The following WWC1 variants were observed in gnomAD, a reference collection of about 807,000 sequenced individuals.
WWC1 encodes WW and C2 domain containing 1.
WWC1 carries 55 observed loss-of-function variants against 138.4 expected under a neutral mutation model. The observed-to-expected ratio is 0.40, with a 90% CI of 0.32 to 0.50. The LOEUF is 0.50. Among genes scored for constraint, WWC1 ranks in the 20% least tolerant of loss-of-function variants. WWC1 has a pLI of 0.72. For synonymous variants in WWC1, 524 were observed against 564.9 expected (o/e 0.93, Z 1.03); for missense variants, 1,226 against 1,420.4 (o/e 0.86, Z 2.20).
intron 17 of WWC1, among the ~76,000 whole-genome samples, chr5:168,448,180 C>T (rs1049464319): frequency 6.6e-6 from 1 of 152,100 alleles, no homozygotes; most frequent in Non-Finnish European, 1.5e-5. Context: ...CCATCTGCGG[C>T]CCCCTCCCCC....
chr5:168,304,043 C>T (rs1030823883), intron 1 of WWC1, among the ~76,000 whole-genome samples: 1 of 152,138 alleles, frequency 6.6e-6, no homozygotes, highest in African/African-American at 2.4e-5. Context: ...ATTTCTTCAC[C>T]GGCAAAATGA....
At chr5:168,468,925 C>A (rs372293994) in intron 22 of WWC1, 26 bp from the exon 23 acceptor site, 146 of 1,613,236 alleles carry the variant, frequency 9.1e-5, no homozygotes, top group Non-Finnish European at 1.1e-4. Context: ...AAAACCCCTG[C>A]TCTAAAGGGA....
At chr5:168,314,758 G>T (rs1406366320) in intron 1 of WWC1, among the ~76,000 whole-genome samples, 1 of 152,122 alleles carries the variant, frequency 6.6e-6, no homozygotes, top group Non-Finnish European at 1.5e-5. Context: ...GGTACAGGTG[G>T]GGACAAGGAG....
Position 168,423,953 on chromosome 5 carries a change from G to A in WWC1, c.1695G>A (p.Leu565=). The stretch of plus-strand genomic sequence containing the variant: ...CTGGTGATGCCTTCCTCAACTCCTT[G>A]GAGTTTGAAGACCCGGAGCTGAGTG... ...LLAGDAFLNS[L]EFEDPELSAT... is the part of the protein sequence containing the mutation. Residue 565 remains leucine (L), a synonymous_variant, in exon 11 of 23, where the codon TTG becomes TTA. Transcript: ENST00000265293. 1 of 1,614,036 alleles carries A rather than the reference G, an allele frequency of 6.2e-7. No individual in the cohort carries two copies. Among genetic ancestry groups the A allele is most frequent in the Non-Finnish European group, 8.5e-7 (1 of 1,180,020 alleles).
chr5:168,415,227 G>A (rs943493280), intron 9 of WWC1: 2 of 152,258 alleles, frequency 1.3e-5, no homozygotes, highest in African/African-American at 4.8e-5. Context: ...TCTAAAGCAG[G>A]TGCTGTCTCT....
intron 1 of WWC1, 127 bp from the exon 2 acceptor site, chr5:168,371,297 T>G (rs1415817388): frequency 1.6e-6 from 1 of 639,594 alleles, no homozygotes; most frequent in Non-Finnish European, 2.9e-6. Context: ...GAGCTGGTGC[T>G]GCTGTGGTGT....
intron 19 of WWC1, among the ~76,000 whole-genome samples, chr5:168,459,136 C>T (rs897996429): frequency 6.6e-6 from 1 of 151,842 alleles, no homozygotes; most frequent in Non-Finnish European, 1.5e-5. Flanking sequence ...TGCCTTTAGT[C>T]CCAGCTACTT....
chr5:168,292,363 G>A lies in WWC1; in HGVS notation c.119+92G>A. 1 of 1,440,718 alleles carries A rather than the reference G, an allele frequency of 6.9e-7. No individual in the cohort carries two copies. The highest frequency in any genetic ancestry group is 1.3e-5 in the South Asian group (1 of 78,156). The allele number at this position is 1,440,718 out of a possible 1,614,324, so 89.2% of individuals were successfully genotyped here. A position where few individuals can be genotyped will look rare whatever the true frequency, so the allele number is the denominator to read the frequency against. On this transcript the variant is annotated intron_variant, in intron 1 of 22. Coordinates refer to ENST00000265293, the MANE Select transcript of WWC1 (RefSeq NM_015238.3). The surrounding 1 kb of genome is among the most constrained non-coding windows in gnomAD (Gnocchi z 4.4). ...CGCCGGCCGGGACTGGGAGGGGGCA[G>A]GGGAGCTCTGCGTGCCTCTTGAGCT...
Position 168,464,952 on chromosome 5 carries a change from T to C in WWC1, c.3140T>C (p.Leu1047Pro). 1 of 1,613,870 alleles carries C rather than the reference T, an allele frequency of 6.2e-7. No homozygotes were observed. The highest frequency in any genetic ancestry group is 8.5e-7 in the Non-Finnish European group (1 of 1,179,908). ...CGTTTCCGCCTGCTGCTGAGGATGC[T>C]GGAGAAGCGGGTGAGTTCTGCCTCG... ...DERFRLLLRM[L>P]EKRQMDRAEH... is the part of the protein sequence containing the mutation. The change falls in exon 21 of 23, where the codon CTG becomes CCG. Residue 1047 changes from leucine (L) to proline (P), a missense_variant. Physicochemically the swap from Leu to Pro is moderately conservative, Grantham distance 98. Transcript: ENST00000265293.
intron 1 of WWC1, 72 bp from the exon 2 acceptor site, chr5:168,371,352 C>T (rs1776737155): frequency 3.5e-6 from 4 of 1,139,466 alleles, no homozygotes; most frequent in Middle Eastern, 4.0e-4. Flanking sequence ...GCAGGAGGCA[C>T]AGGGAAGCAG....
intron 13 of WWC1, 73 bp from the exon 14 acceptor site, chr5:168,430,064 T>C: frequency 7.8e-7 from 1 of 1,276,608 alleles, no homozygotes; most frequent in Non-Finnish European, 1.1e-6. Flanking sequence ...TCCTGTGACT[T>C]TTAATGGAGA....
intron 18 of WWC1, 21 bp downstream of exon 18, chr5:168,454,121 A>G (rs1180860794): frequency 6.2e-7 from 1 of 1,607,718 alleles, no homozygotes; most frequent in Admixed American, 1.7e-5. Flanking sequence ...CTGGGGGGAT[A>G]GAAGGGCTGT....
At chr5:168,380,542 G>A (rs541912032) in intron 2 of WWC1, among the ~76,000 whole-genome samples, 1 of 152,308 alleles carries the variant, frequency 6.6e-6, no homozygotes, top group South Asian at 2.1e-4. Flanking sequence ...TAGCAAGGAT[G>A]TGGAAGAACT....
rs1428259078 is a variant in WWC1, at chr5:168,420,605, A to T, written c.1185-1403A>T. On this transcript the variant is annotated intron_variant, in intron 9 of 22. Coordinates refer to ENST00000265293, the MANE Select transcript of WWC1 (RefSeq NM_015238.3). ...GACCTTTAGAGCAGCCCACCTGTTCAGTATTCATACCCACATATCCATAAT... is the reference window on the plus strand; with the variant it reads ...GACCTTTAGAGCAGCCCACCTGTTCTGTATTCATACCCACATATCCATAAT... Among the ~76,000 whole-genome samples the T allele has an allele frequency of 4.0e-5, 6 of 151,688 alleles. 1 individual carries two copies. The East Asian group carries it at 9.7e-4, about 24-fold the overall frequency.
intron 1 of WWC1, among the ~76,000 whole-genome samples, chr5:168,326,936 C>T (rs1772614894): frequency 6.6e-6 from 1 of 152,238 alleles, no homozygotes; most frequent in Non-Finnish European, 1.5e-5. Flanking sequence ...AGGGACAGAG[C>T]TGCTGAGAGC....
At chr5:168,316,583 C>T (rs921956822) in intron 1 of WWC1, 9 of 152,288 alleles carry the variant, frequency 5.9e-5, no homozygotes, top group African/African-American at 1.4e-4. Flanking sequence ...AGCCTGCCCT[C>T]TACGTCTGCA....
intron 1 of WWC1, among the ~76,000 whole-genome samples, chr5:168,360,459 G>A (rs941405262): frequency 3.3e-5 from 5 of 152,316 alleles, no homozygotes; most frequent in South Asian, 2.1e-4. Flanking sequence ...TAAAGGAAGC[G>A]ATCTATTTTA....
At chr5:168,431,522 A>T in intron 15 of WWC1, 78 bp downstream of exon 15, 1 of 1,505,000 alleles carries the variant, frequency 6.6e-7, no homozygotes, top group Non-Finnish European at 8.9e-7. Flanking sequence ...TTCTGTGTTT[A>T]TGGGGATTGG....
rs1224060817 is a variant in WWC1 at position 168,414,518 on chromosome 5, A to G, written c.1112A>G (p.Glu371Gly). The G allele has an allele frequency of 1.7e-5, 27 of 1,557,222 alleles. No individual in the cohort carries two copies. The highest frequency in any genetic ancestry group is 2.3e-5 in the Non-Finnish European group (26 of 1,149,908). Residue 371 changes from glutamate to glycine, a missense_variant, in exon 9 of 23, where the codon GAG (glutamate) becomes GGG (glycine). Glu to Gly is a moderately conservative substitution (Grantham distance 98). Around this residue, in one of 3 missense-constraint regions of WWC1, gnomAD observed 1,016 missense variants for 1,153.9 expected, o/e 0.88. Transcript: ENST00000265293. ...ACCCAGGGGGAGGTGGAGCAGCTGG[A>G]GATGGCCCGGAAGCGGCTGGAAAAG... is the stretch of plus-strand genomic sequence containing the variant. ...KWTQGEVEQL[E>G]MARKRLEKDL... is the part of the protein sequence containing the mutation.
Sources: gnomAD v4.1 joint callset for allele counts (sites outside exome capture counted in the v4.1 genomes callset) on GRCh38, gnomAD v4.1.1 for gene constraint, gnomAD v4.1.1 regional missense constraint, Gnocchi (gnomAD v3.1) non-coding constraint, MANE v1.5 for transcripts, NCBI Gene and HGNC (gene_info 2026-07-23, HGNC 2026-07-21) for gene names.